The following AFF2 variants were observed in gnomAD, a reference collection of about 807,000 sequenced individuals.
The protein encoded by AFF2 is ALF transcription elongation factor 2, also known as AF4/FMR2 family member 2.
AFF2 carries 14 observed loss-of-function variants against 76.9 expected under a neutral mutation model. The observed-to-expected ratio is 0.18, with a 90% CI of 0.12 to 0.28. The LOEUF (loss-of-function observed/expected upper bound fraction) is 0.28. Ranked by LOEUF, AFF2 falls within the 10% of genes least tolerant of loss-of-function variation. The pLI is 1.00. For synonymous variants in AFF2, 398 were observed against 366.7 expected (o/e 1.09, Z -0.98); for missense variants, 868 against 1,001.1 (o/e 0.87, Z 1.79).
intron 9 of AFF2, among the ~76,000 whole-genome samples, chrX:148,940,797 C>T (rs192093600): frequency 3.3e-3 from 369 of 111,618 alleles, no homozygotes; most frequent in African/African-American, 0.011. Context: ...TTCCTCTTGA[C>T]GTCAAAGGCA....
intron 1 of AFF2, among the ~76,000 whole-genome samples, chrX:148,517,292 T>G (rs1557233919): frequency 8.9e-6 from 1 of 111,964 alleles, no homozygotes; most frequent in Non-Finnish European, 1.9e-5. Context: ...TACCCAGCCT[T>G]CTCTTCAGTA....
intron 1 of AFF2, among the ~76,000 whole-genome samples, chrX:148,623,682 A>G: frequency 9.1e-6 from 1 of 109,519 alleles, no homozygotes; most frequent in Non-Finnish European, 1.9e-5. Context: ...AGTTATGTTA[A>G]TAAATATATA....
intron 1 of AFF2, among the ~76,000 whole-genome samples, chrX:148,565,807 C>A (rs1332128596): frequency 9.0e-6 from 1 of 110,872 alleles, no homozygotes; most frequent in Non-Finnish European, 1.9e-5. Flanking sequence ...ATCTTTATTT[C>A]TATTCTTCCT....
intron 7 of AFF2, among the ~76,000 whole-genome samples, chrX:148,855,556 C>CT (rs1235440202): frequency 1.8e-5 from 2 of 111,760 alleles, no homozygotes; most frequent in Non-Finnish European, 3.8e-5. Context: ...TCTGAAGTAA[C>CT]TTTTTTTTAA....
At chrX:148,888,984 A>G (rs73640603) in intron 8 of AFF2, among the ~76,000 whole-genome samples, 1,664 of 111,778 alleles carry the variant, frequency 0.015, 38 homozygotes, top group African/African-American at 0.052. Context: ...GACATAGTCC[A>G]ATAAAAAAGC....
intron 1 of AFF2, among the ~76,000 whole-genome samples, chrX:148,587,839 C>A (rs1292275385): frequency 1.8e-5 from 2 of 112,377 alleles, no homozygotes; most frequent in Non-Finnish European, 3.8e-5. Flanking sequence ...TCTCTGTTTT[C>A]CTTAGGTATT....
intron 3 of AFF2, among the ~76,000 whole-genome samples, chrX:148,706,482 C>T (rs996240415): frequency 4.4e-5 from 5 of 112,459 alleles, no homozygotes; most frequent in Non-Finnish European, 7.5e-5. Flanking sequence ...ACATGTCATA[C>T]GACATTCATG....
chrX:148,551,910 T>C (rs1217055447), intron 1 of AFF2, among the ~76,000 whole-genome samples: 2 of 112,335 alleles, frequency 1.8e-5, no homozygotes, highest in Non-Finnish European at 3.8e-5. Context: ...GGAGACTGAG[T>C]AACTAAAATC....
At chrX:148,518,064 T>C (rs1313187350) in intron 1 of AFF2, among the ~76,000 whole-genome samples, 2 of 111,359 alleles carry the variant, frequency 1.8e-5, no homozygotes, top group South Asian at 3.8e-4. Flanking sequence ...CAAATACTAT[T>C]GTCACAGCTA....
chrX:148,559,661 TTA>T (rs1557240197), intron 1 of AFF2, among the ~76,000 whole-genome samples: 1 of 112,093 alleles, frequency 8.9e-6, no homozygotes, highest in African/African-American at 3.2e-5. Flanking sequence ...CACATTTTCT[TTA>T]TCCAGTCTAT....
At chrX:148,588,607 G>A (rs993757519) in intron 1 of AFF2, among the ~76,000 whole-genome samples, 4 of 112,532 alleles carry the variant, frequency 3.6e-5, no homozygotes, top group African/African-American at 1.3e-4. Context: ...AGTCTTACCT[G>A]ATTGGTACAC....
chrX:148,697,183 T>C (rs1415520791), intron 3 of AFF2, among the ~76,000 whole-genome samples: 1 of 112,473 alleles, frequency 8.9e-6, no homozygotes, highest in Non-Finnish European at 1.9e-5. Flanking sequence ...GTATTGTAGA[T>C]GTGTATGTTG....
At chrX:148,771,772 A>C (rs1011005929) in intron 3 of AFF2, among the ~76,000 whole-genome samples, 1 of 112,223 alleles carries the variant, frequency 8.9e-6, no homozygotes, top group Non-Finnish European at 1.9e-5. Flanking sequence ...AAGAAAGTGA[A>C]CCTAAATGAT....
chrX:148,506,550 C>A (rs932293360), intron 1 of AFF2, among the ~76,000 whole-genome samples: 1 of 109,987 alleles, frequency 9.1e-6, no homozygotes, highest in Non-Finnish European at 1.9e-5. Context: ...TTTATGGATG[C>A]CCCCTTCATG....
At chrX:148,504,470 ATTGT>A (rs1306053173) in intron 1 of AFF2, among the ~76,000 whole-genome samples, 1 of 113,044 alleles carries the variant, frequency 8.8e-6, no homozygotes, top group Non-Finnish European at 1.9e-5. Context: ...GACAGCATCA[ATTGT>A]TTGTAGTTTT....
At chrX:148,676,288 C>T (rs1489612061) in intron 3 of AFF2, among the ~76,000 whole-genome samples, 3 of 110,757 alleles carry the variant, frequency 2.7e-5, no homozygotes, top group Non-Finnish European at 5.7e-5. Flanking sequence ...CCTCGTGATC[C>T]ACCCGCCTCG....
At chrX:148,837,986 A>T (rs2070549502) in intron 5 of AFF2, among the ~76,000 whole-genome samples, 1 of 112,373 alleles carries the variant, frequency 8.9e-6, no homozygotes, top group Non-Finnish European at 1.9e-5. Flanking sequence ...TGCCTAGAAC[A>T]GATGAGACAG....
intron 1 of AFF2, among the ~76,000 whole-genome samples, chrX:148,584,880 T>G (rs1040477763): frequency 3.6e-5 from 4 of 111,611 alleles, no homozygotes; most frequent in Non-Finnish European, 7.5e-5. Context: ...TAGTGGCAAG[T>G]GCTATTTAGG....
chrX:148,628,334 A>C (rs930807326), intron 1 of AFF2, among the ~76,000 whole-genome samples: 43 of 111,529 alleles, frequency 3.9e-4, no homozygotes, highest in Non-Finnish European at 6.8e-4. Flanking sequence ...AAAAAAGTGG[A>C]AATGATCAAC....
Sources: gnomAD v4.1 joint callset for allele counts (sites outside exome capture counted in the v4.1 genomes callset) on GRCh38, gnomAD v4.1.1 for gene constraint, MANE v1.5 for transcripts, NCBI Gene and HGNC (gene_info 2026-07-23, HGNC 2026-07-21) for gene names.